Variants in GABRA5 observed in about 807,000 individuals in gnomAD.
GABRA5 encodes the protein gamma-aminobutyric acid type A receptor subunit alpha5.
In GABRA5, 18 loss-of-function variants were observed where a neutral mutation model predicts 47.3. The observed-to-expected ratio is 0.38, with a 90% CI of 0.26 to 0.56. The LOEUF (loss-of-function observed/expected upper bound fraction) is 0.56, where lower values mean the gene tolerates loss of function less well. Among genes scored for constraint, GABRA5 ranks in the 20% least tolerant of loss-of-function variants. The pLI is 0.71. For missense variants in GABRA5, 365 were observed against 599.3 expected, an observed-to-expected ratio of 0.61 and a Z score of 4.08; for synonymous variants, 237 against 229.3, an observed-to-expected ratio of 1.03 and a Z score of -0.30.
intron 6 of GABRA5, among the ~76,000 whole-genome samples, chr15:26,894,949 A>G (rs1392258181): frequency 6.6e-6 from 1 of 151,210 alleles, no homozygotes; most frequent in African/African-American, 2.4e-5. Flanking sequence ...CCAAGCCCTG[A>G]TTTCATTCTC....
rs189755066 is a variant in GABRA5 at position 26,876,835 on chromosome 15, G to A, written c.87-4011G>A. 4.4e-4 allele frequency among the ~76,000 whole-genome samples: 67 copies of A among 152,322 alleles called. No homozygotes were observed. In the East Asian group the frequency reaches 0.011, roughly 25 times the overall value. On this transcript the variant is annotated intron_variant, in intron 3 of 10. Transcript: ENST00000335625. ...CATGGCAAGAGAATGGGGAGAATGT[G>A]TGTAAGGACTGGGATGGAACATCAC...
At chr15:26,907,742 G>A (rs530783923) in intron 6 of GABRA5, among the ~76,000 whole-genome samples, 8 of 152,256 alleles carry the variant, frequency 5.3e-5, no homozygotes, top group African/African-American at 1.9e-4. Context: ...ACTTACCAAC[G>A]TTTCTGTTCC....
intron 6 of GABRA5, among the ~76,000 whole-genome samples, chr15:26,887,008 C>G (rs766519372): frequency 6.6e-6 from 1 of 152,142 alleles, no homozygotes; most frequent in Non-Finnish European, 1.5e-5. Context: ...CACGAATCAC[C>G]CTGTGGTTGA....
intron 7 of GABRA5, among the ~76,000 whole-genome samples, chr15:26,927,569 C>A (rs1893991251): frequency 6.6e-6 from 1 of 152,134 alleles, no homozygotes. Context: ...GAAAACTGTA[C>A]ACACTTCACC....
chr15:26,919,968 A>T (rs1893805160), intron 7 of GABRA5, among the ~76,000 whole-genome samples: 1 of 151,850 alleles, frequency 6.6e-6, no homozygotes, highest in South Asian at 2.1e-4. Context: ...AAAAAAATCC[A>T]TTCATAATCT....
At chr15:26,897,791 AAAG>A (rs1443088747) in intron 6 of GABRA5, among the ~76,000 whole-genome samples, 2 of 152,142 alleles carry the variant, frequency 1.3e-5, no homozygotes, top group East Asian at 3.9e-4. Context: ...CACTAACTTA[AAAG>A]AAGTAGACCA....
At chr15:26,928,911 ACCTT>A (rs1194710163) in intron 7 of GABRA5, among the ~76,000 whole-genome samples, 1 of 152,000 alleles carries the variant, frequency 6.6e-6, no homozygotes, top group East Asian at 1.9e-4. Context: ...TCCCAGGGGC[ACCTT>A]TTATAAGGGC....
At position 26,948,278 on chromosome 15, in the gene GABRA5, A is replaced by G; in HGVS notation, c.*45A>G. On this transcript the variant is annotated 3_prime_UTR_variant, in exon 11 of 11. Coordinates refer to ENST00000335625, the MANE Select transcript of GABRA5 (RefSeq NM_000810.4). ...CCAAGACAGCCATACTTCCAGCGAA[A>G]TGGTACCAAGGAGAGGTCTTGCTCA... 22 of 1,580,738 alleles carry G rather than the reference A, an allele frequency of 1.4e-5. No homozygotes were observed. The highest frequency in any genetic ancestry group is 1.8e-5 in the Non-Finnish European group (21 of 1,161,924).
chr15:26,938,839 T>G, intron 8 of GABRA5, among the ~76,000 whole-genome samples: 1 of 152,380 alleles, frequency 6.6e-6, no homozygotes, highest in East Asian at 1.9e-4. Flanking sequence ...GTCTCCGACA[T>G]ATGCCATGTT....
intron 7 of GABRA5, among the ~76,000 whole-genome samples, chr15:26,921,718 T>G (rs1291332226): frequency 6.6e-6 from 1 of 152,194 alleles, no homozygotes; most frequent in Non-Finnish European, 1.5e-5. Context: ...TCCCTTCTAG[T>G]GTGCTCATTT....
rs1892808969 is a variant in GABRA5, at chr15:26,883,939, G to A, written c.497+382G>A. ...CCCAACACTCTGGGAGGCTGAGGTG[G>A]GAGGATTGCTTGAGGCCAGAAGTTC... On this transcript the variant is annotated intron_variant, in intron 6 of 10. Transcript: ENST00000335625. This position sits in a 1 kb window ranked among gnomAD's most constrained non-coding sequence, Gnocchi z 4.8. 6.6e-6 allele frequency among the ~76,000 whole-genome samples: 1 copy of A among 152,074 alleles called. No individual in the cohort carries two copies. The highest frequency in any genetic ancestry group is 2.4e-5 in the African/African-American group (1 of 41,410).
chr15:26,939,276 G>T (rs1450964177), intron 8 of GABRA5: 1 of 765,342 alleles, frequency 1.3e-6, no homozygotes, highest in Non-Finnish European at 2.4e-6. Context: ...AGCAATGAAT[G>T]GGAGGTCTCC....
At chr15:26,907,176 T>A (rs1389192538) in intron 6 of GABRA5, among the ~76,000 whole-genome samples, 1 of 152,236 alleles carries the variant, frequency 6.6e-6, no homozygotes, top group Admixed American at 6.5e-5. Context: ...CCGTATAATT[T>A]GGATCTATTT....
intron 9 of GABRA5, among the ~76,000 whole-genome samples, chr15:26,941,420 A>G (rs1595437072): frequency 6.6e-6 from 1 of 152,146 alleles, no homozygotes; most frequent in African/African-American, 2.4e-5. Context: ...CCCGCAACAC[A>G]GTGATTAAGT....
chr15:26,870,710 G>C (rs773506495), intron 3 of GABRA5, among the ~76,000 whole-genome samples: 10 of 152,100 alleles, frequency 6.6e-5, no homozygotes, highest in Non-Finnish European at 1.5e-4. Flanking sequence ...AGCTGCCAAA[G>C]CCTGTAAACT....
chr15:26,888,983 C>T (rs952093241), intron 6 of GABRA5, among the ~76,000 whole-genome samples: 4 of 152,230 alleles, frequency 2.6e-5, no homozygotes, highest in African/African-American at 7.2e-5. Flanking sequence ...CACCCAAGGT[C>T]ACTTGCCCGT....
chr15:26,896,863 G>A (rs913872851), intron 6 of GABRA5, among the ~76,000 whole-genome samples: 2 of 152,012 alleles, frequency 1.3e-5, no homozygotes, highest in Admixed American at 1.3e-4. Context: ...TTCCTCGGGT[G>A]ATTTATTTTT....
intron 6 of GABRA5, among the ~76,000 whole-genome samples, chr15:26,909,402 G>A (rs1396610893): frequency 1.3e-5 from 2 of 152,190 alleles, no homozygotes; most frequent in African/African-American, 4.8e-5. Context: ...CAGGTAGGAA[G>A]AGTTGGGACA....
intron 7 of GABRA5, among the ~76,000 whole-genome samples, chr15:26,918,087 A>G (rs1893758791): frequency 2.6e-5 from 4 of 151,638 alleles, no homozygotes; most frequent in Admixed American, 2.6e-4. Context: ...TCCCTCTACT[A>G]CATTTAGACT....
Sources: allele counts gnomAD v4.1 joint callset (sites outside exome capture counted in the v4.1 genomes callset), GRCh38; gene constraint gnomAD v4.1.1; non-coding constraint Gnocchi (gnomAD v3.1); transcripts MANE v1.5; gene names NCBI Gene and HGNC (gene_info 2026-07-23, HGNC 2026-07-21).